LARP4: variants seen among roughly 807,000 people sequenced by gnomAD.
LARP4 encodes the protein la-related protein 4.
In LARP4, 29 loss-of-function variants were observed where a neutral mutation model predicts 92.9. That is an observed-to-expected ratio of 0.31 (90% confidence interval 0.23 to 0.43). LARP4 has a LOEUF of 0.43. Among genes scored for constraint, LARP4 ranks in the 20% least tolerant of loss-of-function variants. LARP4 has a pLI of 1.00. For missense variants in LARP4, 732 were observed against 860.0 expected (o/e 0.85, Z 1.86); for synonymous variants, 279 against 284.1 (o/e 0.98, Z 0.18).
At chr12:50,411,460 A>G (rs7309410) in intron 1 of LARP4, among the ~76,000 whole-genome samples, 149,199 of 152,088 alleles carry the variant, frequency 0.98, 73,239 homozygotes, top group East Asian at 1. Flanking sequence ...AGTGATTTTC[A>G]TGCCTCCCGA....
chr12:50,430,450 CTAACATGCTAT>C, intron 3 of LARP4, 34 bp from the exon 4 acceptor site: 1 of 1,069,704 alleles, frequency 9.3e-7, no homozygotes. Context: ...ATCACCTCTA[CTAACATGCTAT>C]TAACTTTTTT....
At chr12:50,407,858 A>T (rs1376674831) in intron 1 of LARP4, among the ~76,000 whole-genome samples, 1 of 152,162 alleles carries the variant, frequency 6.6e-6, no homozygotes, top group Non-Finnish European at 1.5e-5. Context: ...AAATGTTAAA[A>T]TGCAAATAGG....
chr12:50,463,472 C>T (rs1000269484), intron 12 of LARP4, among the ~76,000 whole-genome samples: 25 of 151,350 alleles, frequency 1.7e-4, no homozygotes, highest in African/African-American at 5.8e-4. Context: ...ATGGTGCACG[C>T]CTGTTGTCCC....
intron 1 of LARP4, among the ~76,000 whole-genome samples, chr12:50,408,496 G>A (rs1055614993): frequency 5.3e-5 from 8 of 151,952 alleles, no homozygotes; most frequent in Non-Finnish European, 1.0e-4. Flanking sequence ...CGCACCCGGC[G>A]AGAAAAGGAT....
chr12:50,406,121 G>C (rs1240268275), intron 1 of LARP4, among the ~76,000 whole-genome samples: 1 of 152,010 alleles, frequency 6.6e-6, no homozygotes, highest in East Asian at 1.9e-4. Context: ...TACTTACTTA[G>C]GTAGCAGTTA....
At chr12:50,418,576 C>T (rs957416741) in intron 1 of LARP4, among the ~76,000 whole-genome samples, 2 of 152,098 alleles carry the variant, frequency 1.3e-5, no homozygotes, top group Admixed American at 6.6e-5. Flanking sequence ...TGTGCCAACA[C>T]GCCTCGCTAA....
At chr12:50,441,478 C>A in intron 7 of LARP4, 112 bp from the exon 8 acceptor site, 1 of 672,718 alleles carries the variant, frequency 1.5e-6, no homozygotes, top group Non-Finnish European at 2.5e-6. Flanking sequence ...ACAGTGGAAT[C>A]ACCTACATAA....
chr12:50,435,551 T>A lies in LARP4; in HGVS notation c.462T>A (p.Ile154=), dbSNP rs766081663. The stretch of plus-strand genomic sequence containing the variant: ...TGGATAGTGATCAGTTCATCCCAAT[T>A]TGGACAGTTGCCAACATGGAAGAAA... The part of the protein sequence containing the change: ...SQMDSDQFIP[I]WTVANMEEIK... Residue 154 remains isoleucine (I), a synonymous_variant, in exon 5 of 16, where the codon ATT becomes ATA. Coordinates refer to ENST00000398473, the MANE Select transcript of LARP4 (RefSeq NM_052879.5). 6.2e-7 allele frequency: 1 copy of A among 1,601,354 alleles called. No individual in the cohort carries two copies. Among genetic ancestry groups the A allele is most frequent in the Non-Finnish European group, 8.6e-7 (1 of 1,168,578 alleles).
At chr12:50,420,415 T>C (rs1947544120) in intron 1 of LARP4, among the ~76,000 whole-genome samples, 1 of 152,144 alleles carries the variant, frequency 6.6e-6, no homozygotes, top group South Asian at 2.1e-4. Context: ...AATAGAGCAG[T>C]TGTGGAGAGT....
chr12:50,411,562 C>T (rs1444601809), intron 1 of LARP4, among the ~76,000 whole-genome samples: 3 of 152,018 alleles, frequency 2.0e-5, no homozygotes, highest in Admixed American at 6.6e-5. Flanking sequence ...CTCCTAAACT[C>T]GGGTGATTCG....
At chr12:50,459,526 C>T (rs1325137975) in intron 10 of LARP4, among the ~76,000 whole-genome samples, 1 of 151,996 alleles carries the variant, frequency 6.6e-6, no homozygotes, top group African/African-American at 2.4e-5. Flanking sequence ...CGTGGTTTTG[C>T]TTCCATTAAG....
At chr12:50,434,361 T>C (rs1213006999) in intron 4 of LARP4, among the ~76,000 whole-genome samples, 1 of 151,924 alleles carries the variant, frequency 6.6e-6, no homozygotes, top group Non-Finnish European at 1.5e-5. Context: ...TTTTTTAATG[T>C]ACCTTAAAGA....
intron 4 of LARP4, 45 bp from the exon 5 acceptor site, chr12:50,435,443 C>A: frequency 8.6e-7 from 1 of 1,166,576 alleles, no homozygotes; most frequent in Non-Finnish European, 1.3e-6. Flanking sequence ...TTGTTAGATG[C>A]TTTTTAATAA....
chr12:50,446,430 T>TATATATATA (rs1491491550), intron 8 of LARP4, among the ~76,000 whole-genome samples: 3 of 5,500 alleles, frequency 5.5e-4, no homozygotes, highest in African/African-American at 8.8e-4. Context: ...TATATATATA[T>TATATATATA]TTTTTTTTTT....
chr12:50,423,751 ATT>A (rs35992539), intron 1 of LARP4, among the ~76,000 whole-genome samples: 32 of 130,626 alleles, frequency 2.4e-4, no homozygotes, highest in Non-Finnish European at 2.5e-4. Context: ...CCGGCCTGTA[ATT>A]TTTTTTTTTT....
intron 10 of LARP4, chr12:50,454,986 G>A (rs1435723936): frequency 6.6e-6 from 1 of 152,146 alleles, no homozygotes; most frequent in African/African-American, 2.4e-5. Flanking sequence ...TTACAGATAA[G>A]GAATCTGAGA....
chr12:50,452,597 T>C (rs1478577559), intron 8 of LARP4, among the ~76,000 whole-genome samples: 1 of 152,242 alleles, frequency 6.6e-6, no homozygotes, highest in Non-Finnish European at 1.5e-5. Context: ...TAACACTTCC[T>C]GTTGTTTTTT....
chr12:50,454,027 A>G (rs4238104), intron 9 of LARP4, among the ~76,000 whole-genome samples: 108,260 of 152,098 alleles, frequency 0.71, 44,542 homozygotes, highest in Non-Finnish European at 0.93. Context: ...ATTTTATTCC[A>G]TAAAATTTGC....
intron 1 of LARP4, 179 bp downstream of exon 1, chr12:50,401,207 A>G (rs989696334): frequency 5.5e-5 from 39 of 713,040 alleles, no homozygotes; most frequent in Non-Finnish European, 8.5e-5. Context: ...ACAACACTCT[A>G]GGAAGCTATG....
Sources: gnomAD v4.1 joint callset for allele counts (sites outside exome capture counted in the v4.1 genomes callset) on GRCh38, gnomAD v4.1.1 for gene constraint, MANE v1.5 for transcripts, NCBI Gene and HGNC (gene_info 2026-07-23, HGNC 2026-07-21) for gene names.